CEP192: variants seen among roughly 807,000 people sequenced by gnomAD.
The protein encoded by CEP192 is centrosomal protein 192.
Under a neutral mutation model 271.8 loss-of-function variants are expected in CEP192, and 151 were observed. The observed-to-expected ratio is 0.56, with a 90% CI of 0.49 to 0.64. The LOEUF (loss-of-function observed/expected upper bound fraction) is 0.64, where lower values mean the gene tolerates loss of function less well. Ranked by LOEUF, CEP192 falls within the 30% of genes least tolerant of loss-of-function variation. The pLI, the probability that CEP192 is intolerant of heterozygous loss-of-function variation, is 0.00. For synonymous variants in CEP192, 995 were observed against 1,076.5 expected (o/e 0.92, Z 1.48); for missense variants, 2,910 against 3,020.5 (o/e 0.96, Z 0.86).
At chr18:13,108,624 A>G (rs2040066450) in intron 40 of CEP192, among the ~76,000 whole-genome samples, 1 of 152,222 alleles carries the variant, frequency 6.6e-6, no homozygotes, top group Non-Finnish European at 1.5e-5. Context: ...AGCAGTCAGA[A>G]TGGCTGTTAT....
At chr18:13,009,422 T>G (rs1364062209) in intron 4 of CEP192, among the ~76,000 whole-genome samples, 4 of 152,240 alleles carry the variant, frequency 2.6e-5, no homozygotes. Flanking sequence ...GAGTCAATTT[T>G]GTTTCTAAGC....
rs1170507568 is a variant in CEP192 at position 13,001,453 on chromosome 18, A to G, written c.165-4A>G. On this transcript the variant is annotated splice_polypyrimidine_tract_variant and splice_region_variant and intron_variant, in intron 2 of 44. Coordinates refer to ENST00000506447, the MANE Select transcript of CEP192 (RefSeq NM_032142.4). ...AACAATTAAAACAAATTTTTTTTGT[A>G]TAGGTATCCTGATATCCAGGCATCT... The G allele has an allele frequency of 4.6e-6, 7 of 1,528,518 alleles. No homozygotes were observed. The highest frequency in any genetic ancestry group is 4.9e-5 in the East Asian group (2 of 40,754). 94.7% of individuals were successfully genotyped at this position (1,528,518 alleles called of 1,614,324 possible).
chr18:13,032,972 G>A (rs1158181701), intron 11 of CEP192, among the ~76,000 whole-genome samples: 1 of 152,208 alleles, frequency 6.6e-6, no homozygotes, highest in South Asian at 2.1e-4. Flanking sequence ...ATGCACTCCT[G>A]CAGAGCCAGC....
At chr18:13,112,902 A>G (rs527926124) in intron 40 of CEP192, among the ~76,000 whole-genome samples, 241 of 152,382 alleles carry the variant, frequency 1.6e-3, no homozygotes, top group Non-Finnish European at 2.5e-3. Flanking sequence ...AGTGATCAGT[A>G]TTATCAACAC....
chr18:13,053,040 G>C lies in CEP192; in HGVS notation c.3139G>C (p.Glu1047Gln). 1 of 1,613,874 alleles carries C rather than the reference G, an allele frequency of 6.2e-7. No individual in the cohort carries two copies. The highest frequency in any genetic ancestry group is 8.5e-7 in the Non-Finnish European group (1 of 1,179,842). The change falls in exon 18 of 45, where the codon GAG (glutamate) becomes CAG (glutamine). Residue 1047 changes from glutamate (E) to glutamine (Q), a missense_variant. Glu to Gln is a conservative substitution (Grantham distance 29). Coordinates refer to ENST00000506447, the MANE Select transcript of CEP192 (RefSeq NM_032142.4). ...CAGGCTGACGTATGTGTCTGAACCA[G>C]AGAGCTCCTATCCTACCACAGCCAC... ...VSRLTYVSEP[E>Q]SSYPTTATDD...
intron 44 of CEP192, among the ~76,000 whole-genome samples, chr18:13,119,639 G>A (rs1188995444): frequency 6.6e-6 from 1 of 152,166 alleles, no homozygotes; most frequent in Non-Finnish European, 1.5e-5. Context: ...CTACTTGGGA[G>A]ACTGAGGCAG....
At chr18:13,021,600 A>G (rs921638579) in intron 9 of CEP192, among the ~76,000 whole-genome samples, 2 of 152,166 alleles carry the variant, frequency 1.3e-5, no homozygotes, top group Non-Finnish European at 2.9e-5. Context: ...GCCCTTTGCA[A>G]TTCCATATGA....
intron 9 of CEP192, among the ~76,000 whole-genome samples, chr18:13,023,932 G>A (rs570550417): frequency 3.9e-5 from 6 of 152,158 alleles, no homozygotes; most frequent in South Asian, 2.1e-4. Context: ...TATCTATTTC[G>A]TGAGTTTTTT....
chr18:13,042,210 T>C lies in CEP192; in HGVS notation c.1943T>C (p.Leu648Ser). ...TATTATATATTTCCTGCAGGAGATT[T>C]AAATGAACAGTCCCAGGCACAGCTA... ...HLNHDLYSGD[L>S]NEQSQAQLSE... The change falls in exon 15 of 45, where the codon TTA becomes TCA. Residue 648 changes from leucine to serine, a missense_variant. By Grantham distance (145) the Leu-to-Ser change is moderately radical. Coordinates refer to ENST00000506447, the MANE Select transcript of CEP192 (RefSeq NM_032142.4). 1 of 1,611,542 alleles carries C rather than the reference T, an allele frequency of 6.2e-7. No individual in the cohort carries two copies. The highest frequency in any genetic ancestry group is 1.1e-5 in the South Asian group (1 of 90,816).
intron 30 of CEP192, 37 bp downstream of exon 30, chr18:13,073,222 T>C (rs1360884315): frequency 2.7e-6 from 4 of 1,500,842 alleles, no homozygotes; most frequent in Non-Finnish European, 3.6e-6. Flanking sequence ...TCCCCTGGAG[T>C]TTATGCCATT....
At chr18:13,118,798 ACAT>A (rs3837874) in intron 44 of CEP192, among the ~76,000 whole-genome samples, 20,753 of 152,076 alleles carry the variant, frequency 0.14, 1,556 homozygotes, top group East Asian at 0.31. Flanking sequence ...TCAGGTGTTA[ACAT>A]CATCATCATC....
intron 28 of CEP192, among the ~76,000 whole-genome samples, chr18:13,072,279 G>A (rs1226445423): frequency 6.6e-6 from 1 of 152,108 alleles, no homozygotes; most frequent in Non-Finnish European, 1.5e-5. Flanking sequence ...CTTTTGCATT[G>A]TAGCTTCTTT....
chr18:13,123,471 C>G (rs1270596843), intron 44 of CEP192, among the ~76,000 whole-genome samples: 1 of 152,198 alleles, frequency 6.6e-6, no homozygotes, highest in African/African-American at 2.4e-5. Flanking sequence ...GCCCGGTGTA[C>G]TCTTGTGCAC....
intron 30 of CEP192, among the ~76,000 whole-genome samples, chr18:13,083,177 G>A (rs1279553729): frequency 2.0e-5 from 3 of 152,180 alleles, no homozygotes; most frequent in Non-Finnish European, 2.9e-5. Flanking sequence ...TGCCTTGCTA[G>A]GTGGGGAAGT....
Position 13,114,129 on chromosome 18 carries a change from G to C in CEP192, c.7168-1G>C. On this transcript the variant is annotated splice_acceptor_variant, in intron 41 of 44. Transcript: ENST00000506447. LOFTEE classifies it high-confidence loss of function. ...CGTTACCCTGTGATTTTTCTGTATA[G>C]AGCATCGAAGCAGAAAATGAGCCTG... is the stretch of plus-strand genomic sequence containing the variant. The C allele has an allele frequency of 6.2e-7, 1 of 1,612,574 alleles. No homozygotes were observed. Among genetic ancestry groups the C allele is most frequent in the Non-Finnish European group, 8.5e-7 (1 of 1,179,562 alleles).
intron 3 of CEP192, among the ~76,000 whole-genome samples, chr18:13,007,481 T>A (rs7234094): frequency 2.0e-5 from 3 of 151,930 alleles, no homozygotes; most frequent in African/African-American, 7.2e-5. Context: ...ACATGGAAAT[T>A]GACCTAACTG....
chr18:13,103,729 C>A, intron 39 of CEP192, 141 bp downstream of exon 39: 1 of 737,038 alleles, frequency 1.4e-6, no homozygotes, highest in Non-Finnish European at 2.4e-6. Flanking sequence ...CTTGCTCTGT[C>A]GCCCAGGCTG....
chr18:13,059,252 G>C lies in CEP192; in HGVS notation c.4428G>C (p.Gln1476His), dbSNP rs1402642534. The change falls in exon 21 of 45, where the codon CAG becomes CAC. Residue 1476 changes from glutamine (Q) to histidine (H), a missense_variant. Coordinates refer to ENST00000506447, the MANE Select transcript of CEP192 (RefSeq NM_032142.4). The part of the protein sequence containing the change: ...PCSTDAETIV[Q>H]AEALASTVTL... ...CGACAGATGCTGAGACCATCGTACA[G>C]GCAGAAGCTTTGGCCAGCACCGTCA... 6.2e-7 allele frequency: 1 copy of C among 1,614,184 alleles called. No homozygotes were observed. Among genetic ancestry groups the C allele is most frequent in the Non-Finnish European group, 8.5e-7 (1 of 1,180,028 alleles).
Position 13,042,280 on chromosome 18 carries a change from T to C in CEP192, c.2013T>C (p.Thr671=). 6.2e-7 allele frequency: 1 copy of C among 1,614,008 alleles called. No individual in the cohort carries two copies. The change falls in exon 15 of 45, where the codon ACT becomes ACC. Residue 671 remains threonine (T), a synonymous_variant. Transcript: ENST00000506447. ...ITLQVEAVES[T]SQVDENDVTL... ...TTCAGGTTGAAGCAGTAGAGAGTAC[T>C]TCACAAGTGGATGAAAATGATGTGA...
Sources: allele counts gnomAD v4.1 joint callset (sites outside exome capture counted in the v4.1 genomes callset), GRCh38; gene constraint gnomAD v4.1.1; transcripts MANE v1.5; gene names NCBI Gene and HGNC (gene_info 2026-07-23, HGNC 2026-07-21).